CTNNA2: variants seen among roughly 807,000 people sequenced by gnomAD.
CTNNA2 encodes the protein catenin alpha-2.
In CTNNA2, 42 loss-of-function variants were observed where a neutral mutation model predicts 101.0. The observed-to-expected ratio is 0.42, with a 90% CI of 0.32 to 0.54. The LOEUF (loss-of-function observed/expected upper bound fraction) is 0.54, where lower values mean the gene tolerates loss of function less well. CTNNA2 is among the 20% of genes least tolerant of loss of function. The pLI is 0.14. For synonymous variants in CTNNA2, 450 were observed against 456.4 expected, an observed-to-expected ratio of 0.99 and a Z score of 0.18; for missense variants, 871 against 1,223.1, an observed-to-expected ratio of 0.71 and a Z score of 4.29.
chr2:80,366,567 T>C (rs1406372216), intron 7 of CTNNA2, among the ~76,000 whole-genome samples: 1 of 152,106 alleles, frequency 6.6e-6, no homozygotes, highest in Non-Finnish European at 1.5e-5. Flanking sequence ...TGTCACATGG[T>C]TATTTAGTGA....
intron 7 of CTNNA2, among the ~76,000 whole-genome samples, chr2:80,265,744 T>C (rs1021960636): frequency 6.6e-6 from 1 of 152,224 alleles, no homozygotes; most frequent in Non-Finnish European, 1.5e-5. Flanking sequence ...CAGACCTTGG[T>C]TACCTTCCTT....
intron 3 of CTNNA2, among the ~76,000 whole-genome samples, chr2:79,355,483 A>G (rs1014384042): frequency 6.6e-6 from 1 of 152,278 alleles, no homozygotes; most frequent in South Asian, 2.1e-4. Context: ...ACTTTAAAGT[A>G]TACAATTTAA....
At chr2:80,379,658 G>A (rs1436541401) in intron 7 of CTNNA2, among the ~76,000 whole-genome samples, 1 of 152,132 alleles carries the variant, frequency 6.6e-6, no homozygotes. Flanking sequence ...CAGATTCCTA[G>A]GCCACAATTG....
At chr2:80,107,244 T>A (rs951122608) in intron 7 of CTNNA2, among the ~76,000 whole-genome samples, 1 of 152,178 alleles carries the variant, frequency 6.6e-6, no homozygotes. Flanking sequence ...CAATTGAATG[T>A]TGCCTTTTCT....
At chr2:79,505,995 TG>T (rs1671404851) in intron 5 of CTNNA2, among the ~76,000 whole-genome samples, 1 of 152,206 alleles carries the variant, frequency 6.6e-6, no homozygotes, top group Non-Finnish European at 1.5e-5. Context: ...TTAACAAGAT[TG>T]GGTTTGAGCC....
At chr2:80,151,617 C>T (rs1437858244) in intron 7 of CTNNA2, among the ~76,000 whole-genome samples, 1 of 152,184 alleles carries the variant, frequency 6.6e-6, no homozygotes, top group Non-Finnish European at 1.5e-5. Context: ...AGATCTCTGC[C>T]ATTGTCTTAT....
intron 10 of CTNNA2, 35 bp downstream of exon 10, chr2:80,545,109 A>T (rs768174287): frequency 1.9e-6 from 3 of 1,602,102 alleles, no homozygotes; most frequent in Admixed American, 3.3e-5. Context: ...AAAGCCTGTC[A>T]GTGACCTTCT....
At chr2:80,062,989 G>A (rs902972940) in intron 7 of CTNNA2, among the ~76,000 whole-genome samples, 1 of 152,192 alleles carries the variant, frequency 6.6e-6, no homozygotes, top group Non-Finnish European at 1.5e-5. Context: ...ACAGGCGTGA[G>A]CCACCGCGCC....
At chr2:79,381,035 C>A (rs1486413488) in intron 4 of CTNNA2, among the ~76,000 whole-genome samples, 2 of 152,146 alleles carry the variant, frequency 1.3e-5, no homozygotes, top group African/African-American at 4.8e-5. Context: ...GGATGATTTT[C>A]TTGGATTTTT....
chr2:79,720,362 C>T (rs1030985260), intron 2 of CTNNA2, among the ~76,000 whole-genome samples: 3 of 151,984 alleles, frequency 2.0e-5, no homozygotes, highest in Admixed American at 6.6e-5. Context: ...CTTAGGATTG[C>T]TTAGGCAATT....
intron 4 of CTNNA2, among the ~76,000 whole-genome samples, chr2:79,410,274 C>T (rs1404990782): frequency 2.8e-4 from 40 of 144,486 alleles, no homozygotes; most frequent in Non-Finnish European, 4.5e-5. Context: ...TCCTCTTTTC[C>T]TAATTGAATA....
chr2:79,742,871 AC>A (rs1671388031), intron 2 of CTNNA2, among the ~76,000 whole-genome samples: 1 of 152,196 alleles, frequency 6.6e-6, no homozygotes, highest in Non-Finnish European at 1.5e-5. Context: ...ACAGCTCCCA[AC>A]CCTGCACTAA....
intron 7 of CTNNA2, among the ~76,000 whole-genome samples, chr2:80,192,706 G>A (rs1202023652): frequency 2.0e-5 from 3 of 152,094 alleles, no homozygotes; most frequent in East Asian, 3.9e-4. Flanking sequence ...GTAGAGATGG[G>A]GTTTCGCCAC....
intron 7 of CTNNA2, among the ~76,000 whole-genome samples, chr2:80,255,444 T>A (rs985188095): frequency 1.3e-5 from 2 of 152,120 alleles, no homozygotes; most frequent in Non-Finnish European, 2.9e-5. Flanking sequence ...GTGATCTAAA[T>A]GAGCTGTAAT....
chr2:79,835,692 T>TGTTTGTTTG (rs1558565854), intron 3 of CTNNA2, among the ~76,000 whole-genome samples: 6 of 96,560 alleles, frequency 6.2e-5, no homozygotes, highest in African/African-American at 2.5e-4. Context: ...TTTTTTTTTT[T>TGTTTGTTTG]TTTTTTTTTT....
chr2:79,769,508 A>T (rs1217999875), intron 3 of CTNNA2, among the ~76,000 whole-genome samples: 3 of 152,208 alleles, frequency 2.0e-5, no homozygotes, highest in Non-Finnish European at 4.4e-5. Context: ...CTTCTGGATT[A>T]TATATACCTG....
At chr2:79,454,060 A>G (rs1670786963) in intron 4 of CTNNA2, among the ~76,000 whole-genome samples, 1 of 152,160 alleles carries the variant, frequency 6.6e-6, no homozygotes. Context: ...TACTAGAAAT[A>G]GGATCGGGAA....
intron 7 of CTNNA2, among the ~76,000 whole-genome samples, chr2:80,184,133 C>CA (rs1002382536): frequency 4.0e-5 from 6 of 150,806 alleles, no homozygotes; most frequent in African/African-American, 1.2e-4. Context: ...GGAAATTATG[C>CA]AAAAAAAACC....
intron 3 of CTNNA2, among the ~76,000 whole-genome samples, chr2:79,818,109 G>A (rs952455315): frequency 1.3e-5 from 2 of 152,138 alleles, no homozygotes; most frequent in South Asian, 2.1e-4. Context: ...TAGCTTTTAA[G>A]TAATGGCTGT....
Sources: gnomAD v4.1 joint callset for allele counts (sites outside exome capture counted in the v4.1 genomes callset) on GRCh38, gnomAD v4.1.1 for gene constraint, MANE v1.5 for transcripts, NCBI Gene and HGNC (gene_info 2026-07-23, HGNC 2026-07-21) for gene names.